Variants in CFAP210 observed in about 807,000 individuals in gnomAD.
CFAP210 encodes cilia- and flagella- associated protein 210.
the CFAP210 span, among the ~76,000 whole-genome samples, chr2:169,684,176 A>G: frequency 6.6e-6 from 1 of 152,154 alleles, no homozygotes; most frequent in Non-Finnish European, 1.5e-5. Context: ...ACAGATGGAC[A>G]GAGAGAGAAT....
the CFAP210 span, among the ~76,000 whole-genome samples, chr2:169,655,139 A>C: frequency 6.6e-5 from 10 of 152,180 alleles, no homozygotes; most frequent in African/African-American, 1.4e-4. Context: ...ATATATAGAT[A>C]TATTAGTATA....
chr2:169,645,650 T>C, the CFAP210 span: 1 of 549,506 alleles, frequency 1.8e-6, no homozygotes, highest in Non-Finnish European at 3.2e-6. Flanking sequence ...CTTGTGTATT[T>C]TACCACAGTT....
the CFAP210 span, among the ~76,000 whole-genome samples, chr2:169,684,635 CT>C: frequency 6.9e-6 from 1 of 145,628 alleles, no homozygotes; most frequent in Non-Finnish European, 1.5e-5. Flanking sequence ...TGTATCAATA[CT>C]TGATTCCTTT....
the CFAP210 span, among the ~76,000 whole-genome samples, chr2:169,651,609 C>A: frequency 6.6e-6 from 1 of 151,954 alleles, no homozygotes; most frequent in East Asian, 2.0e-4. Context: ...CCCGCCTCAG[C>A]CTCCCAAAAT....
chr2:169,653,127 C>T, the CFAP210 span, among the ~76,000 whole-genome samples: 1,603 of 126,916 alleles, frequency 0.013, 37 homozygotes, highest in African/African-American at 0.045. Context: ...GCAACGAGGG[C>T]GAGGAAAGCA....
the CFAP210 span, among the ~76,000 whole-genome samples, chr2:169,676,008 G>T: frequency 6.6e-6 from 1 of 152,018 alleles, no homozygotes; most frequent in East Asian, 1.9e-4. Context: ...TTAGTGTTTT[G>T]CCATTTAAAT....
chr2:169,656,996 T>TAA, the CFAP210 span, among the ~76,000 whole-genome samples: 4 of 117,280 alleles, frequency 3.4e-5, no homozygotes, highest in African/African-American at 1.3e-4. Context: ...AAGAACAGAG[T>TAA]AAAAAAAAAA....
chr2:169,647,470 G>A, the CFAP210 span, among the ~76,000 whole-genome samples: 1 of 151,948 alleles, frequency 6.6e-6, no homozygotes, highest in Non-Finnish European at 1.5e-5. Flanking sequence ...AACAGATGAA[G>A]GTAAAGTACC....
At chr2:169,674,575 C>G in the CFAP210 span, 4 of 1,586,222 alleles carry the variant, frequency 2.5e-6, no homozygotes, top group Non-Finnish European at 2.6e-6. Flanking sequence ...TGTATACATA[C>G]TGTTTTAGAT....
the CFAP210 span, among the ~76,000 whole-genome samples, chr2:169,665,560 A>G: frequency 2.6e-5 from 4 of 152,188 alleles, no homozygotes. Context: ...AGAATTTGCC[A>G]AGACAATTGT....
chr2:169,686,898 A>T, the CFAP210 span, among the ~76,000 whole-genome samples: 2 of 152,118 alleles, frequency 1.3e-5, no homozygotes, highest in African/African-American at 4.8e-5. Flanking sequence ...ATAAAGACAT[A>T]CCTGAGACTG....
chr2:169,679,279 G>A, the CFAP210 span, among the ~76,000 whole-genome samples: 2 of 152,164 alleles, frequency 1.3e-5, no homozygotes, highest in Non-Finnish European at 2.9e-5. Context: ...TGTTACACAG[G>A]TAAATTGCAA....
At chr2:169,656,180 C>A in the CFAP210 span, among the ~76,000 whole-genome samples, 6 of 152,084 alleles carry the variant, frequency 3.9e-5, no homozygotes, top group Admixed American at 2.6e-4. Flanking sequence ...GTCCCAGCTA[C>A]CAGGCAGGCT....
At chr2:169,662,327 G>GT in the CFAP210 span, 11 of 1,603,058 alleles carry the variant, frequency 6.9e-6, no homozygotes, top group South Asian at 1.1e-5. Flanking sequence ...TTCTTTTCTA[G>GT]TTTTTTTCTC....
the CFAP210 span, among the ~76,000 whole-genome samples, chr2:169,660,277 C>G: frequency 6.6e-6 from 1 of 151,672 alleles, no homozygotes; most frequent in Non-Finnish European, 1.5e-5. Context: ...GTAATCCTAG[C>G]TACTCAGGAG....
the CFAP210 span, among the ~76,000 whole-genome samples, chr2:169,649,810 A>C: frequency 6.6e-6 from 1 of 152,062 alleles, no homozygotes. Flanking sequence ...GCATGCCTGT[A>C]ATCTCAGCTA....
the CFAP210 span, among the ~76,000 whole-genome samples, chr2:169,666,650 A>G: frequency 6.6e-6 from 1 of 151,980 alleles, no homozygotes; most frequent in Non-Finnish European, 1.5e-5. Context: ...ATTTATTAAA[A>G]TAAGACAATG....
the CFAP210 span, chr2:169,646,071 C>G: frequency 2.5e-6 from 4 of 1,613,910 alleles, no homozygotes; most frequent in Non-Finnish European, 3.4e-6. Context: ...TCAATTACCT[C>G]TCTGGCATAG....
the CFAP210 span, among the ~76,000 whole-genome samples, chr2:169,653,309 G>C: frequency 6.6e-6 from 1 of 151,700 alleles, no homozygotes; most frequent in African/African-American, 2.4e-5. Context: ...TCCAGTGCAG[G>C]TGAGAAGAGG....
Sources: allele counts gnomAD v4.1 joint callset (sites outside exome capture counted in the v4.1 genomes callset), GRCh38; gene constraint gnomAD v4.1.1; transcripts MANE v1.5; gene names NCBI Gene and HGNC (gene_info 2026-07-23, HGNC 2026-07-21).